The following LARP1B variants were observed in gnomAD, a reference collection of about 807,000 sequenced individuals.
LARP1B encodes the protein La ribonucleoprotein 1B.
LARP1B carries 76 observed loss-of-function variants against 114.2 expected under a neutral mutation model. The ratio of observed to expected loss-of-function variants is 0.67; its 90% CI spans 0.55 to 0.81. The LOEUF (loss-of-function observed/expected upper bound fraction) is 0.81, where lower values mean the gene tolerates loss of function less well. Ranked by LOEUF, LARP1B falls within the 30% of genes least tolerant of loss-of-function variation. The probability of loss-of-function intolerance (pLI) is 0.00; values close to 1 mark genes in which losing one functional copy is unlikely to be tolerated. For missense variants in LARP1B, 1,014 were observed against 1,075.8 expected (o/e 0.94, Z 0.80); for synonymous variants, 345 against 348.0 (o/e 0.99, Z 0.10).
downstream of LARP1B, among the ~76,000 whole-genome samples, chr4:128,214,272 C>T (rs946188795): frequency 4.1e-5 from 6 of 148,106 alleles, no homozygotes; most frequent in South Asian, 2.3e-4. Context: ...ACAAAGCAGC[C>T]GGGAAGCTCG....
chr4:128,112,749 C>T (rs1784557113), intron 9 of LARP1B, among the ~76,000 whole-genome samples: 1 of 152,116 alleles, frequency 6.6e-6, no homozygotes, highest in Non-Finnish European at 1.5e-5. Context: ...GCTGGGATTA[C>T]AGGCATGAGC....
rs35878913 is a variant in LARP1B, at chr4:128,178,035, G to GATATATATATATATATAT, written c.1685-388_1685-371dup. Among the ~76,000 whole-genome samples, 258 of 137,760 alleles carry GATATATATATATATATAT rather than the reference G, an allele frequency of 1.9e-3. 2 individuals carry two copies. Among genetic ancestry groups the GATATATATATATATATAT allele is most frequent in the East Asian group, 0.012 (53 of 4,520 alleles). The allele number at this position is 137,760 out of a possible 152,430, so 90.4% of individuals were successfully genotyped here. On this transcript the variant is annotated intron_variant, in intron 13 of 19. Transcript: ENST00000326639. ...AAAACATGAAAAAAGTTTACAAAGT[G>GATATATATATATATATAT]ATATATATATATATATATATATATA...
chr4:128,080,765 T>C (rs1770016765), intron 4 of LARP1B, among the ~76,000 whole-genome samples: 3 of 152,210 alleles, frequency 2.0e-5, no homozygotes, highest in African/African-American at 7.2e-5. Flanking sequence ...TGCTTGTGTT[T>C]TTTTTTCCTT....
At chr4:128,122,975 G>A in intron 11 of LARP1B, 1 of 984,012 alleles carries the variant, frequency 1.0e-6, no homozygotes, top group South Asian at 4.7e-5. Flanking sequence ...TTTGTTTTCA[G>A]TAGAGGGTAT....
intron 1 of LARP1B, chr4:128,061,997 G>T (rs1444726169): frequency 1.0e-6 from 1 of 985,044 alleles, no homozygotes; most frequent in Non-Finnish European, 1.2e-6. Context: ...CCCTTTCGGC[G>T]GGGAGCCGCC....
intron 4 of LARP1B, 76 bp from the exon 5 acceptor site, chr4:128,082,089 G>A: frequency 1.5e-6 from 2 of 1,341,594 alleles, no homozygotes; most frequent in Non-Finnish European, 2.1e-6. Flanking sequence ...TTTGATTAAA[G>A]TTCAGAGTGC....
rs752436357 is a variant in LARP1B at position 128,199,440 on chromosome 4, A to G, written c.2005A>G (p.Thr669Ala). ...GCTTTTTTCCCCTTTCTCAAACAGCACTTCAAATGCTTCACCTTCAGAAGG... is the reference window on the plus strand; with the variant it reads ...GCTTTTTTCCCCTTTCTCAAACAGCGCTTCAAATGCTTCACCTTCAGAAGG... ...DRGPGTSSVS[T>A]SNASPSEGAP... The change falls in exon 16 of 20, where the codon ACT becomes GCT. Residue 669 changes from threonine (T) to alanine (A), a missense_variant and splice_region_variant. By Grantham distance (58) the Thr-to-Ala change is moderately conservative. Coordinates refer to ENST00000326639, the MANE Select transcript of LARP1B (RefSeq NM_018078.4). 1.3e-6 allele frequency: 2 copies of G among 1,504,160 alleles called. No individual in the cohort carries two copies. Among genetic ancestry groups the G allele is most frequent in the East Asian group, 2.4e-5 (1 of 40,832 alleles). 93.2% of individuals were successfully genotyped at this position (1,504,160 alleles called of 1,614,324 possible).
intron 3 of LARP1B, 137 bp from the exon 4 acceptor site, chr4:128,077,650 GA>G (rs1251533190): frequency 1.2e-6 from 1 of 864,640 alleles, no homozygotes; most frequent in Non-Finnish European, 1.7e-6. Context: ...ACTGTCTTTT[GA>G]AAAGTAATTT....
intron 15 of LARP1B, among the ~76,000 whole-genome samples, chr4:128,190,023 A>AT (rs1186497730): frequency 2.0e-5 from 3 of 152,258 alleles, no homozygotes; most frequent in Non-Finnish European, 4.4e-5. Context: ...AGTGAGTTTT[A>AT]TACCTTCAAA....
intron 15 of LARP1B, among the ~76,000 whole-genome samples, chr4:128,196,618 G>A (rs1186483036): frequency 2.0e-5 from 3 of 150,544 alleles, no homozygotes; most frequent in African/African-American, 4.9e-5. Flanking sequence ...TTTCGGACAC[G>A]GAGTCTCACT....
intron 9 of LARP1B, among the ~76,000 whole-genome samples, chr4:128,114,313 T>C (rs1785086050): frequency 6.6e-6 from 1 of 152,208 alleles, no homozygotes; most frequent in Non-Finnish European, 1.5e-5. Flanking sequence ...GTGACTCACA[T>C]TGATATTTTT....
intron 7 of LARP1B, among the ~76,000 whole-genome samples, chr4:128,094,944 T>C (rs1580262023): frequency 1.3e-5 from 2 of 151,726 alleles, no homozygotes; most frequent in East Asian, 3.9e-4. Context: ...AAAGTCGGGG[T>C]TCCACCATGT....
rs1762141289 is a variant in LARP1B, at chr4:128,065,295, TTCTTTCTTTCTTTCTTTCTTTCTCTCTC to T, written c.-78+3898_-78+3925del. ...TTTCTTTCTTTCTTTCTTTCTTTCT[TTCTTTCTTTCTTTCTTTCTTTCTCTCTC>T]TCTCTCTCTTTCCTTTCTTTTCTTT... On this transcript the variant is annotated intron_variant, in intron 1 of 19. Transcript: ENST00000326639. Among the ~76,000 whole-genome samples the T allele has an allele frequency of 7.4e-5, 10 of 135,066 alleles. No individual in the cohort carries two copies. In the South Asian group the frequency reaches 2.2e-3, roughly 29 times the overall value. 88.6% of individuals were successfully genotyped at this position (135,066 alleles called of 152,430 possible). A position where few individuals can be genotyped will look rare whatever the true frequency, so the allele number is the denominator to read the frequency against.
intron 10 of LARP1B, among the ~76,000 whole-genome samples, chr4:128,121,279 C>T (rs1322090657): frequency 1.3e-5 from 2 of 152,194 alleles, no homozygotes; most frequent in Non-Finnish European, 2.9e-5. Context: ...CTCTGAAAAT[C>T]AGAAGACCTT....
chr4:128,103,463 T>G (rs1363192637), intron 8 of LARP1B, among the ~76,000 whole-genome samples: 4 of 152,078 alleles, frequency 2.6e-5, no homozygotes, highest in Non-Finnish European at 5.9e-5. Context: ...TAGTGGTCAG[T>G]GTTACTTCTT....
chr4:128,110,038 A>C (rs1388902165), intron 9 of LARP1B, among the ~76,000 whole-genome samples: 2 of 151,870 alleles, frequency 1.3e-5, no homozygotes, highest in Non-Finnish European at 2.9e-5. Context: ...CGAGTAGCTG[A>C]GATTACAGGT....
chr4:128,082,225 G>C lies in LARP1B; in HGVS notation c.278G>C (p.Arg93Thr). 1 of 1,613,126 alleles carries C rather than the reference G, an allele frequency of 6.2e-7. No individual in the cohort carries two copies. Among genetic ancestry groups the C allele is most frequent in the Non-Finnish European group, 8.5e-7 (1 of 1,179,868 alleles). The change falls in exon 5 of 20, where the codon AGA becomes ACA. Residue 93 changes from arginine to threonine, a missense_variant. Arg to Thr is a moderately conservative substitution (Grantham distance 71). Transcript: ENST00000326639. ...LDVVRSESQE[R>T]PGSRNSSRCQ... ...GTTGTAAGATCAGAGAGTCAAGAAAGACCTGGATCCCGGAACAGCTCAAGA... is the reference window on the plus strand; with the variant it reads ...GTTGTAAGATCAGAGAGTCAAGAAACACCTGGATCCCGGAACAGCTCAAGA...
intron 1 of LARP1B, 92 bp from the exon 2 acceptor site, chr4:128,074,368 T>G (rs191254438): frequency 1.0e-5 from 2 of 200,584 alleles, no homozygotes; most frequent in Admixed American, 6.5e-5. Flanking sequence ...GAAATGATGA[T>G]TATACTGATT....
chr4:128,068,857 T>C (rs1333390542), intron 1 of LARP1B, among the ~76,000 whole-genome samples: 1 of 152,248 alleles, frequency 6.6e-6, no homozygotes, highest in Non-Finnish European at 1.5e-5. Flanking sequence ...CCATCACTTA[T>C]TCTCTTCAAG....
Sources: gnomAD v4.1 joint callset for allele counts (sites outside exome capture counted in the v4.1 genomes callset) on GRCh38, gnomAD v4.1.1 for gene constraint, MANE v1.5 for transcripts, NCBI Gene and HGNC (gene_info 2026-07-23, HGNC 2026-07-21) for gene names.